Variants in MME observed in about 807,000 individuals in gnomAD.
The protein encoded by MME is neprilysin.
In MME, 98 loss-of-function variants were observed where a neutral mutation model predicts 113.2. That is an observed-to-expected ratio of 0.87 (90% CI 0.74 to 1.02). The LOEUF is 1.02. Among genes scored for constraint, MME ranks in the 50% least tolerant of loss-of-function variants. The pLI is 0.00. For synonymous variants in MME, 292 were observed against 300.6 expected (o/e 0.97, Z 0.30); for missense variants, 836 against 896.0 (o/e 0.93, Z 0.86).
At chr3:155,119,121 T>C (rs2108262360) in intron 8 of MME, among the ~76,000 whole-genome samples, 1 of 152,328 alleles carries the variant, frequency 6.6e-6, no homozygotes, top group Admixed American at 6.5e-5. Context: ...TAAACTGCAT[T>C]ATTTAAAAAA....
chr3:155,182,952 A>G lies in MME; in HGVS notation c.*2493A>G, dbSNP rs201801810. On this transcript the variant is annotated 3_prime_UTR_variant, in exon 23 of 23. Transcript: ENST00000360490. ...ACTACCGATTCTTTGGAGTTGTCAC[A>G]TCAGATAAGACATATCTCTAATTCC... The G allele has an allele frequency of 2.8e-4, 42 of 152,338 alleles. No homozygotes were observed. Among genetic ancestry groups the G allele is most frequent in the African/African-American group, 1.0e-3 (42 of 41,592 alleles). 9.4% of individuals were successfully genotyped at this position (152,338 alleles called of 1,614,324 possible).
chr3:155,109,315 C>G (rs1717970485), intron 3 of MME, among the ~76,000 whole-genome samples: 1 of 152,046 alleles, frequency 6.6e-6, no homozygotes, highest in Admixed American at 6.5e-5. Context: ...CCTGCATCAT[C>G]CAGCTTCAGC....
chr3:155,088,825 A>G (rs2108183400), intron 3 of MME, among the ~76,000 whole-genome samples: 2 of 152,326 alleles, frequency 1.3e-5, no homozygotes, highest in South Asian at 4.1e-4. Flanking sequence ...GAGAATGGGA[A>G]AAGCAAGTAT....
chr3:155,029,939 A>G (rs1222863446), intron 1 of MME, among the ~76,000 whole-genome samples: 1 of 152,198 alleles, frequency 6.6e-6, no homozygotes, highest in Non-Finnish European at 1.5e-5. Context: ...ACAGAAATAG[A>G]TCTTATGCCT....
At chr3:155,145,992 T>C (rs976063161) in intron 14 of MME, among the ~76,000 whole-genome samples, 1 of 152,050 alleles carries the variant, frequency 6.6e-6, no homozygotes, top group Non-Finnish European at 1.5e-5. Context: ...TAAAACTGCA[T>C]CCATTTGATG....
At chr3:155,056,547 T>C (rs1713935163) in intron 1 of MME, among the ~76,000 whole-genome samples, 1 of 149,434 alleles carries the variant, frequency 6.7e-6, no homozygotes, top group South Asian at 2.1e-4. Flanking sequence ...GTGGTGTATA[T>C]GTGCCACATT....
At chr3:155,180,297 C>A in intron 22 of MME, 63 bp from the exon 23 acceptor site, 1 of 1,153,710 alleles carries the variant, frequency 8.7e-7, no homozygotes, top group Non-Finnish European at 1.3e-6. Context: ...TGCTTCAGGG[C>A]TCCAGTGTGG....
In MME at chr3:155,116,465, A is replaced by G; in HGVS notation, c.359-14A>G. Reference sequence around the variant, plus strand: ...CAATTATGTTGATGCATTTTATTAAATGTCCTATTTCAGATGTCCTTCAAG... The same window carrying G: ...CAATTATGTTGATGCATTTTATTAAGTGTCCTATTTCAGATGTCCTTCAAG... On this transcript the variant is annotated splice_polypyrimidine_tract_variant and intron_variant, in intron 4 of 22. Coordinates refer to ENST00000360490, the MANE Select transcript of MME (RefSeq NM_007289.4). The G allele has an allele frequency of 1.3e-6, 2 of 1,571,796 alleles. No homozygotes were observed. Among genetic ancestry groups the G allele is most frequent in the Non-Finnish European group, 1.8e-6 (2 of 1,141,844 alleles).
chr3:155,108,464 C>T (rs912108944), intron 3 of MME, among the ~76,000 whole-genome samples: 7 of 152,012 alleles, frequency 4.6e-5, no homozygotes, highest in Non-Finnish European at 1.0e-4. Flanking sequence ...AGCATGGTGG[C>T]GGGTGCCTGT....
intron 17 of MME, among the ~76,000 whole-genome samples, chr3:155,163,206 T>C (rs1722842080): frequency 6.6e-6 from 1 of 152,078 alleles, no homozygotes; most frequent in Admixed American, 6.6e-5. Context: ...CACATAGACA[T>C]ACAAATACTC....
chr3:155,145,536 T>C (rs2108319318), intron 14 of MME, among the ~76,000 whole-genome samples: 2 of 152,242 alleles, frequency 1.3e-5, no homozygotes, highest in Middle Eastern at 3.4e-3. Context: ...CTGCCTAGCA[T>C]TATATCCTCA....
intron 1 of MME, among the ~76,000 whole-genome samples, chr3:155,080,771 C>T (rs1715074429): frequency 6.6e-6 from 1 of 152,178 alleles, no homozygotes; most frequent in Non-Finnish European, 1.5e-5. Context: ...ATTCCTCCCC[C>T]ATATATGATT....
chr3:155,063,483 T>A (rs1358210554), intron 1 of MME, among the ~76,000 whole-genome samples: 146 of 110,684 alleles, frequency 1.3e-3, no homozygotes, highest in African/African-American at 5.4e-3. Flanking sequence ...TTTTATTATT[T>A]TATATATATA....
intron 22 of MME, among the ~76,000 whole-genome samples, chr3:155,179,227 G>A (rs367996095): frequency 6.6e-6 from 1 of 152,106 alleles, no homozygotes; most frequent in Non-Finnish European, 1.5e-5. Context: ...CTGAAGGTAG[G>A]TCAGCATAGT....
chr3:155,094,737 C>A (rs1160031645), intron 3 of MME, among the ~76,000 whole-genome samples: 1 of 152,192 alleles, frequency 6.6e-6, no homozygotes, highest in African/African-American at 2.4e-5. Flanking sequence ...ACACTTGAAT[C>A]TGTGTTTCCT....
intron 8 of MME, among the ~76,000 whole-genome samples, chr3:155,133,749 T>C (rs1182352877): frequency 6.8e-6 from 1 of 147,070 alleles, no homozygotes. Flanking sequence ...ATGGTGTATA[T>C]ATATATGTGT....
intron 3 of MME, among the ~76,000 whole-genome samples, chr3:155,098,754 C>T (rs1231879919): frequency 1.3e-5 from 2 of 151,976 alleles, no homozygotes; most frequent in Admixed American, 6.6e-5. Context: ...ATTAAGATGT[C>T]GTCATGAAAA....
chr3:155,061,544 AC>A (rs1714147533), intron 1 of MME, among the ~76,000 whole-genome samples: 1 of 152,126 alleles, frequency 6.6e-6, no homozygotes, highest in South Asian at 2.1e-4. Context: ...ACTTTTAACA[AC>A]CACATTACAA....
At chr3:155,169,882 C>A (rs1030855748) in intron 20 of MME, among the ~76,000 whole-genome samples, 1 of 152,008 alleles carries the variant, frequency 6.6e-6, no homozygotes, top group Non-Finnish European at 1.5e-5. Flanking sequence ...ACTGATGGGG[C>A]CTGCAGTTTG....
Sources: allele counts gnomAD v4.1 joint callset (sites outside exome capture counted in the v4.1 genomes callset), GRCh38; gene constraint gnomAD v4.1.1; transcripts MANE v1.5; gene names NCBI Gene and HGNC (gene_info 2026-07-23, HGNC 2026-07-21).